CEP104: variants seen among roughly 807,000 people sequenced by gnomAD.
CEP104 encodes the protein centrosomal protein of 104 kDa.
Under a neutral mutation model 113.3 loss-of-function variants are expected in CEP104, and 84 were observed. The ratio of observed to expected loss-of-function variants is 0.74; its 90% CI spans 0.62 to 0.89. CEP104 has a LOEUF of 0.89. Among genes scored for constraint, CEP104 ranks in the 40% least tolerant of loss-of-function variants. CEP104 has a pLI of 0.00. For synonymous variants in CEP104, 378 were observed against 421.7 expected, an observed-to-expected ratio of 0.90 and a Z score of 1.27; for missense variants, 1,053 against 1,156.6, an observed-to-expected ratio of 0.91 and a Z score of 1.30.
chr1:3,833,118 C>T (rs1376416825), intron 12 of CEP104, among the ~76,000 whole-genome samples: 3 of 151,830 alleles, frequency 2.0e-5, no homozygotes, highest in South Asian at 2.1e-4. Flanking sequence ...GTAGCTGGGA[C>T]GACAGGCACG....
intron 4 of CEP104, among the ~76,000 whole-genome samples, chr1:3,846,086 C>CAA (rs5772127): frequency 0.025 from 2,336 of 94,190 alleles, 153 homozygotes; most frequent in African/African-American, 0.097. Context: ...AACTCCGTCT[C>CAA]AAAAAAAAAA....
rs1160276141 is a variant in CEP104 at position 3,847,556 on chromosome 1, T to A, written c.345A>T (p.Ser115=). 3.7e-6 allele frequency: 6 copies of A among 1,613,632 alleles called. No individual in the cohort carries two copies. The highest frequency in any genetic ancestry group is 5.1e-6 in the Non-Finnish European group (6 of 1,179,850). ...KTGCKARELK[S]VYVDAVGQFL... Reference sequence around the variant, plus strand: ...ATTGTCCTACTGCATCCACATAAACTGATTTTAGTTCCCGGGCTTTGCAAC... The same window carrying A: ...ATTGTCCTACTGCATCCACATAAACAGATTTTAGTTCCCGGGCTTTGCAAC... The change falls in exon 4 of 22, where the codon TCA becomes TCT. Residue 115 remains serine, a synonymous_variant. Transcript: ENST00000378230.
chr1:3,836,456 CT>C (rs1644312879), intron 10 of CEP104, 38 bp downstream of exon 10: 1 of 1,553,938 alleles, frequency 6.4e-7, no homozygotes, highest in South Asian at 1.2e-5. Flanking sequence ...CTAGCCTCCC[CT>C]CTGCCACCCC....
At chr1:3,839,243 G>T in intron 7 of CEP104, 124 bp from the exon 8 acceptor site, 1 of 837,244 alleles carries the variant, frequency 1.2e-6, no homozygotes, top group Non-Finnish European at 2.0e-6. Context: ...CAGGGAAATG[G>T]AAGGAATGGG....
At chr1:3,826,106 G>C (rs1644085603) in intron 17 of CEP104, among the ~76,000 whole-genome samples, 1 of 152,176 alleles carries the variant, frequency 6.6e-6, no homozygotes, top group African/African-American at 2.4e-5. Flanking sequence ...TCACCAAGGA[G>C]GTGCCTGAAA....
chr1:3,820,388 A>C (rs1643947447), intron 20 of CEP104, among the ~76,000 whole-genome samples: 1 of 152,170 alleles, frequency 6.6e-6, no homozygotes, highest in South Asian at 2.1e-4. Flanking sequence ...CCAGGGGAAA[A>C]GATGTATGTG....
Position 3,821,321 on chromosome 1 carries a change from T to C in CEP104, c.2571+1853A>G, listed in dbSNP as rs552183776. Among the ~76,000 whole-genome samples, 10 of 152,320 alleles carry C rather than the reference T, an allele frequency of 6.6e-5. No individual in the cohort carries two copies. In the East Asian group the frequency reaches 1.9e-3, roughly 29 times the overall value. ...TGGTAACTGCTGTGACTGGAACACATTGAATAATTTAAATCCATGGTTCAT... is the reference window on the plus strand; with the variant it reads ...TGGTAACTGCTGTGACTGGAACACACTGAATAATTTAAATCCATGGTTCAT... On this transcript the variant is annotated intron_variant, in intron 20 of 21. Transcript: ENST00000378230.
intron 6 of CEP104, among the ~76,000 whole-genome samples, chr1:3,844,446 C>T (rs902083834): frequency 1.3e-5 from 2 of 151,958 alleles, no homozygotes; most frequent in Admixed American, 6.6e-5. Flanking sequence ...TGCAGTGAGC[C>T]GAGATCGTGC....
chr1:3,836,464 C>T (rs1390664649), intron 10 of CEP104, 31 bp downstream of exon 10: 5 of 1,516,718 alleles, frequency 3.3e-6, no homozygotes, highest in Middle Eastern at 2.1e-4. Flanking sequence ...CCCTCTGCCA[C>T]CCCGTTTTTT....
In CEP104 at chr1:3,844,975, T is replaced by G; in HGVS notation, c.498A>C (p.Arg166=). The change falls in exon 6 of 22, where the codon CGA becomes CGC. Residue 166 remains arginine, a synonymous_variant. Transcript: ENST00000378230. The part of the protein sequence containing the change: ...DFSDESNTAS[R]EKLIDHYLGH... ...CAAGGTAGTGGTCAATCAACTTCTC[T>G]CGAGAGGCCTTTGGGGGCAAAACAT... 1 of 1,614,094 alleles carries G rather than the reference T, an allele frequency of 6.2e-7. No individual in the cohort carries two copies. The highest frequency in any genetic ancestry group is 8.5e-7 in the Non-Finnish European group (1 of 1,179,980).
At position 3,851,784 on chromosome 1, in the gene CEP104, G is replaced by A. The variant is rs539391973; in HGVS notation, c.113+511C>T. Among the ~76,000 whole-genome samples, 4 of 152,256 alleles carry A rather than the reference G, an allele frequency of 2.6e-5. No individual in the cohort carries two copies. The South Asian group carries it at 8.3e-4, about 32-fold the overall frequency. ...CCTGTCTCAGCATCCTGAGTAGCTGGGACTGCAGGCGGGAGCCACTGTGCC... is the reference window on the plus strand; with the variant it reads ...CCTGTCTCAGCATCCTGAGTAGCTGAGACTGCAGGCGGGAGCCACTGTGCC... On this transcript the variant is annotated intron_variant, in intron 2 of 21. Transcript: ENST00000378230.
intron 18 of CEP104, among the ~76,000 whole-genome samples, chr1:3,824,413 G>A (rs1347838058): frequency 6.6e-6 from 1 of 152,184 alleles, no homozygotes; most frequent in African/African-American, 2.4e-5. Context: ...ATGCAAGAAA[G>A]GCCTAATATA....
chr1:3,818,936 A>C (rs1643920691), intron 20 of CEP104, among the ~76,000 whole-genome samples: 1 of 152,158 alleles, frequency 6.6e-6, no homozygotes, highest in Non-Finnish European at 1.5e-5. Context: ...CCTATTCTGA[A>C]GGCTATTCTC....
Position 3,852,439 on chromosome 1 carries a change from A to T in CEP104, c.-14-18T>A, listed in dbSNP as rs770831169. 4 of 1,595,070 alleles carry T rather than the reference A, an allele frequency of 2.5e-6. No individual in the cohort carries two copies. Among genetic ancestry groups the T allele is most frequent in the Non-Finnish European group, 2.6e-6 (3 of 1,169,252 alleles). On this transcript the variant is annotated intron_variant, in intron 1 of 21. Transcript: ENST00000378230. ...CGTTTGGGCTGTTTATAAGAGCAGG[A>T]AAAACTTCTTTAAAACAAAGGAATT...
chr1:3,832,367 G>T (rs1375300529), intron 12 of CEP104, among the ~76,000 whole-genome samples: 1 of 149,238 alleles, frequency 6.7e-6, no homozygotes, highest in East Asian at 2.0e-4. Flanking sequence ...AGCACATTAG[G>T]TCGTAACCAG....
In CEP104 at chr1:3,839,035, G is replaced by C. The variant is rs1349953334; in HGVS notation, c.820C>G (p.Gln274Glu). 1.2e-6 allele frequency: 2 copies of C among 1,614,094 alleles called. No homozygotes were observed. The highest frequency in any genetic ancestry group is 1.7e-6 in the Non-Finnish European group (2 of 1,179,998). Residue 274 changes from glutamine to glutamate, a missense_variant, in exon 8 of 22, where the codon CAG becomes GAG. Physicochemically the swap from Gln to Glu is conservative, Grantham distance 29. Coordinates refer to ENST00000378230, the MANE Select transcript of CEP104 (RefSeq NM_014704.4). ...TCGGCACGATACTGCTCCATCTGCT[G>C]CTTCTTCTCCTTGGCGAGATCGTAG... ...EDYDLAKEKKQQMEQYRAEVY... is the reference protein window; with the variant it reads ...EDYDLAKEKKEQMEQYRAEVY...
intron 7 of CEP104, 77 bp from the exon 8 acceptor site, chr1:3,839,196 C>T: frequency 7.7e-7 from 1 of 1,295,244 alleles, no homozygotes; most frequent in Non-Finnish European, 1.1e-6. Context: ...TTTTAAGAAT[C>T]ACGCGTGAAC....
intron 4 of CEP104, among the ~76,000 whole-genome samples, chr1:3,846,388 C>T (rs1285507126): frequency 1.3e-5 from 2 of 152,280 alleles, no homozygotes; most frequent in South Asian, 2.1e-4. Context: ...CTGGCACAAA[C>T]TGGGAAACCG....
intron 6 of CEP104, among the ~76,000 whole-genome samples, chr1:3,844,449 GATCGTGCCACT>G (rs1470981826): frequency 6.6e-6 from 1 of 152,130 alleles, no homozygotes; most frequent in Non-Finnish European, 1.5e-5. Flanking sequence ...AGTGAGCCGA[GATCGTGCCACT>G]GCACTCCAGC....
Sources: gnomAD v4.1 joint callset for allele counts (sites outside exome capture counted in the v4.1 genomes callset) on GRCh38, gnomAD v4.1.1 for gene constraint, MANE v1.5 for transcripts, NCBI Gene and HGNC (gene_info 2026-07-23, HGNC 2026-07-21) for gene names.